CHRM3: variants seen among roughly 807,000 people sequenced by gnomAD.
CHRM3 encodes the protein muscarinic acetylcholine receptor M3.
A neutral mutation model predicts 41.8 loss-of-function variants in CHRM3; 11 were observed. The observed-to-expected ratio is 0.26, with a 90% CI of 0.17 to 0.44. The LOEUF (loss-of-function observed/expected upper bound fraction) is 0.44, where lower values mean the gene tolerates loss of function less well. Ranked by LOEUF, CHRM3 falls within the 20% of genes least tolerant of loss-of-function variation. The pLI is 1.00. For missense variants in CHRM3, 571 were observed against 745.4 expected (o/e 0.77, Z 2.72); for synonymous variants, 297 against 301.4 (o/e 0.99, Z 0.15).
At chr1:239,816,567 C>T (rs1424257672) in intron 5 of CHRM3, among the ~76,000 whole-genome samples, 1 of 152,046 alleles carries the variant, frequency 6.6e-6, no homozygotes, top group Non-Finnish European at 1.5e-5. Flanking sequence ...GGCCTGCTTG[C>T]CCTTCTCCTG....
chr1:239,515,415 T>TC (rs572194783), intron 2 of CHRM3, among the ~76,000 whole-genome samples: 1 of 150,500 alleles, frequency 6.6e-6, no homozygotes. Flanking sequence ...TTTTTTTGTT[T>TC]TTTTTTTTTT....
chr1:239,661,728 A>C (rs1673212670), intron 4 of CHRM3, among the ~76,000 whole-genome samples: 1 of 152,174 alleles, frequency 6.6e-6, no homozygotes, highest in African/African-American at 2.4e-5. Flanking sequence ...ATAATACTAT[A>C]ATGGTGGATA....
At chr1:239,618,277 CTTT>C (rs61094722) in intron 3 of CHRM3, among the ~76,000 whole-genome samples, 6 of 120,648 alleles carry the variant, frequency 5.0e-5, no homozygotes, top group Non-Finnish European at 3.4e-5. Context: ...TTTTTTCTTT[CTTT>C]TTTTTTTTTT....
intron 4 of CHRM3, among the ~76,000 whole-genome samples, chr1:239,659,428 C>T (rs1672996839): frequency 6.6e-6 from 1 of 152,114 alleles, no homozygotes; most frequent in Non-Finnish European, 1.5e-5. Flanking sequence ...CCATTCCTCC[C>T]CTTCACAGAT....
intron 1 of CHRM3, among the ~76,000 whole-genome samples, chr1:239,418,007 T>G (rs1661638958): frequency 6.6e-6 from 1 of 152,236 alleles, no homozygotes; most frequent in African/African-American, 2.4e-5. Flanking sequence ...TCGCTTAGAC[T>G]GTAGTGCCGG....
At chr1:239,395,546 C>T (rs1659406860) in intron 1 of CHRM3, among the ~76,000 whole-genome samples, 1 of 152,188 alleles carries the variant, frequency 6.6e-6, no homozygotes, top group Non-Finnish European at 1.5e-5. Context: ...ACTTTCCCCT[C>T]CTGCTACCAA....
intron 5 of CHRM3, among the ~76,000 whole-genome samples, chr1:239,743,929 G>A (rs1362929555): frequency 4.1e-5 from 6 of 148,056 alleles, no homozygotes; most frequent in Non-Finnish European, 6.0e-5. Flanking sequence ...CAGCTAGGAC[G>A]GACTACAGGT....
At chr1:239,733,558 G>T (rs1240616167) in intron 5 of CHRM3, among the ~76,000 whole-genome samples, 2 of 151,952 alleles carry the variant, frequency 1.3e-5, no homozygotes, top group Non-Finnish European at 2.9e-5. Context: ...ATTAGTAAGT[G>T]TTTATTTTGC....
At chr1:239,552,426 CAT>C (rs1263900537) in intron 3 of CHRM3, among the ~76,000 whole-genome samples, 2 of 145,270 alleles carry the variant, frequency 1.4e-5, no homozygotes, top group Admixed American at 1.4e-4. Context: ...TGGTATGTAT[CAT>C]ATATATGTAT....
At chr1:239,422,791 A>G (rs911828340) in intron 1 of CHRM3, among the ~76,000 whole-genome samples, 8 of 145,178 alleles carry the variant, frequency 5.5e-5, no homozygotes. Context: ...GTGAGACTCT[A>G]TCTTAAAAAA....
intron 1 of CHRM3, among the ~76,000 whole-genome samples, chr1:239,470,449 C>G (rs762509618): frequency 2.0e-5 from 3 of 152,174 alleles, no homozygotes; most frequent in Non-Finnish European, 4.4e-5. Flanking sequence ...CACACCCCCC[C>G]ACTCTTTTAC....
chr1:239,868,283 C>G (rs1428966653), intron 6 of CHRM3, among the ~76,000 whole-genome samples: 1 of 152,148 alleles, frequency 6.6e-6, no homozygotes, highest in Admixed American at 6.5e-5. Flanking sequence ...TCAGGGTACT[C>G]TAGTACAAAT....
chr1:239,895,229 G>T (rs12075828), intron 6 of CHRM3, among the ~76,000 whole-genome samples: 1 of 152,058 alleles, frequency 6.6e-6, no homozygotes, highest in Non-Finnish European at 1.5e-5. Context: ...TCCTTTCTAT[G>T]CTGAAAGATG....
intron 6 of CHRM3, among the ~76,000 whole-genome samples, chr1:239,830,071 T>C (rs1372048086): frequency 6.6e-6 from 1 of 150,390 alleles, no homozygotes; most frequent in Non-Finnish European, 1.5e-5. Context: ...GGATGGACTG[T>C]TTGTGAAATA....
intron 6 of CHRM3, among the ~76,000 whole-genome samples, chr1:239,877,908 T>C (rs1231866919): frequency 1.3e-5 from 2 of 149,250 alleles, no homozygotes; most frequent in Non-Finnish European, 3.0e-5. Context: ...TTTTTTTTAA[T>C]GAGACAGAGT....
chr1:239,671,767 G>A (rs927504863), intron 4 of CHRM3, among the ~76,000 whole-genome samples: 1 of 151,850 alleles, frequency 6.6e-6, no homozygotes, highest in Non-Finnish European at 1.5e-5. Flanking sequence ...TAGTTTTTGA[G>A]AAATAATTTC....
chr1:239,611,844 ATAT>A (rs2148755938), intron 3 of CHRM3, among the ~76,000 whole-genome samples: 1 of 152,356 alleles, frequency 6.6e-6, no homozygotes, highest in East Asian at 1.9e-4. Flanking sequence ...CACCAAAAGC[ATAT>A]TACCAATGTT....
chr1:239,814,459 C>T (rs1671403564), intron 5 of CHRM3, among the ~76,000 whole-genome samples: 1 of 152,162 alleles, frequency 6.6e-6, no homozygotes, highest in African/African-American at 2.4e-5. Flanking sequence ...CAGAGATGTC[C>T]AGAGCTCCCT....
intron 1 of CHRM3, among the ~76,000 whole-genome samples, chr1:239,414,297 A>C (rs903884615): frequency 1.3e-5 from 2 of 152,150 alleles, no homozygotes; most frequent in Non-Finnish European, 2.9e-5. Flanking sequence ...AAATGAAAAG[A>C]ATAATTCTAC....
Sources: allele counts gnomAD v4.1 joint callset (sites outside exome capture counted in the v4.1 genomes callset), GRCh38; gene constraint gnomAD v4.1.1; transcripts MANE v1.5; gene names NCBI Gene and HGNC (gene_info 2026-07-23, HGNC 2026-07-21).